STYXL1: variants seen among roughly 807,000 people sequenced by gnomAD.
STYXL1 encodes the protein serine/threonine/tyrosine-interacting-like protein 1.
A neutral mutation model predicts 36.4 loss-of-function variants in STYXL1; 32 were observed. The observed-to-expected ratio is 0.88, with a 90% confidence interval of 0.66 to 1.18. STYXL1 has a LOEUF of 1.18. Ranked by LOEUF, STYXL1 falls within the 50% of genes most tolerant of loss-of-function variation. The pLI is 0.00. For missense variants in STYXL1, 354 were observed against 394.1 expected (o/e 0.90, Z 0.86); for synonymous variants, 133 against 144.1 (o/e 0.92, Z 0.55).
At chr7:76,019,915 G>A (rs1434366504) in intron 4 of STYXL1, among the ~76,000 whole-genome samples, 1 of 140,524 alleles carries the variant, frequency 7.1e-6, no homozygotes, top group East Asian at 2.1e-4. Context: ...GCAACAAAGC[G>A]AGACCCTGAC....
At chr7:76,011,081 T>A (rs1792498884) in intron 5 of STYXL1, among the ~76,000 whole-genome samples, 1 of 152,094 alleles carries the variant, frequency 6.6e-6, no homozygotes, top group South Asian at 2.1e-4. Flanking sequence ...CTGACTGTGG[T>A]GGCATGCATC....
chr7:76,033,974 A>C (rs1319586253), intron 1 of STYXL1, among the ~76,000 whole-genome samples: 1 of 152,124 alleles, frequency 6.6e-6, no homozygotes, highest in Non-Finnish European at 1.5e-5. Context: ...TAATATTGCC[A>C]CTTCTATATA....
At chr7:76,014,226 C>T (rs1462773135) in intron 4 of STYXL1, among the ~76,000 whole-genome samples, 1 of 152,094 alleles carries the variant, frequency 6.6e-6, no homozygotes, top group East Asian at 1.9e-4. Flanking sequence ...CCTTCAGCCT[C>T]GGCCTCCCAA....
At chr7:76,020,069 T>G (rs1165094342) in intron 4 of STYXL1, among the ~76,000 whole-genome samples, 3 of 152,066 alleles carry the variant, frequency 2.0e-5, no homozygotes, top group Admixed American at 2.0e-4. Flanking sequence ...TGTGTGGTTG[T>G]GGTTTCCTGT....
chr7:75,996,412 C>T lies in STYXL1; in HGVS notation c.*56G>A. 6.2e-7 allele frequency: 1 copy of T among 1,613,666 alleles called. No homozygotes were observed. Among genetic ancestry groups the T allele is most frequent in the African/African-American group, 1.3e-5 (1 of 75,040 alleles). The stretch of plus-strand genomic sequence containing the variant: ...GGTATACACACTCTGGCCCTCCACC[C>T]ACAAAATGCCCCCAGGTGAGGCTCT... On this transcript the variant is annotated 3_prime_UTR_variant, in exon 9 of 9. Coordinates refer to ENST00000359697, the MANE Select transcript of STYXL1 (RefSeq NM_001317785.2).
At chr7:75,999,511 ATGTGTGTGTG>A (rs71301271) in intron 8 of STYXL1, among the ~76,000 whole-genome samples, 1 of 95,908 alleles carries the variant, frequency 1.0e-5, no homozygotes, top group African/African-American at 4.9e-5. Flanking sequence ...GTGTGTGTGT[ATGTGTGTGTG>A]TGTGTGTGTG....
At chr7:76,027,577 C>A (rs1175071030) in intron 3 of STYXL1, among the ~76,000 whole-genome samples, 1 of 151,822 alleles carries the variant, frequency 6.6e-6, no homozygotes, top group Non-Finnish European at 1.5e-5. Context: ...TGTGCCACTG[C>A]ACCCCTGCCC....
intron 1 of STYXL1, among the ~76,000 whole-genome samples, chr7:76,036,968 TAG>T (rs1795969515): frequency 6.7e-6 from 1 of 148,896 alleles, no homozygotes; most frequent in South Asian, 2.2e-4. Flanking sequence ...GTATTTTTAG[TAG>T]AGATGGGTTT....
intron 7 of STYXL1, 125 bp from the exon 8 acceptor site, chr7:76,001,127 C>T (rs1790870314): frequency 2.9e-6 from 2 of 694,872 alleles, no homozygotes; most frequent in South Asian, 3.2e-5. Context: ...CCCACGTGAC[C>T]TCGGCAAGTC....
At chr7:76,014,691 T>C (rs1043636260) in intron 4 of STYXL1, among the ~76,000 whole-genome samples, 38 of 151,898 alleles carry the variant, frequency 2.5e-4, no homozygotes, top group African/African-American at 8.5e-4. Flanking sequence ...TATTGTATGA[T>C]GTCATACAAT....
intron 5 of STYXL1, 25 bp from the exon 6 acceptor site, chr7:76,005,429 G>A: frequency 6.4e-7 from 1 of 1,572,960 alleles, no homozygotes; most frequent in South Asian, 1.2e-5. Context: ...GAGAAAGGCA[G>A]CTATGAGCAT....
intron 8 of STYXL1, among the ~76,000 whole-genome samples, chr7:75,997,758 A>G (rs996979039): frequency 6.6e-6 from 1 of 152,198 alleles, no homozygotes; most frequent in Non-Finnish European, 1.5e-5. Context: ...TAATAAATTC[A>G]GCAAGGATGC....
At chr7:76,038,344 C>A (rs968075830) in intron 1 of STYXL1, among the ~76,000 whole-genome samples, 1 of 149,460 alleles carries the variant, frequency 6.7e-6, no homozygotes, top group Admixed American at 6.7e-5. Flanking sequence ...TCTCCTCTGT[C>A]GTCCCAGAAA....
At chr7:76,008,807 A>G (rs1456086250) in intron 5 of STYXL1, among the ~76,000 whole-genome samples, 1 of 152,132 alleles carries the variant, frequency 6.6e-6, no homozygotes, top group Non-Finnish European at 1.5e-5. Flanking sequence ...GGAGTTCAAG[A>G]CCAGCCTGGC....
chr7:76,033,809 G>A (rs782018014), intron 1 of STYXL1, among the ~76,000 whole-genome samples: 2 of 152,090 alleles, frequency 1.3e-5, no homozygotes, highest in Admixed American at 6.5e-5. Context: ...TTCATTTACC[G>A]CCTCCACTTC....
intron 5 of STYXL1, among the ~76,000 whole-genome samples, chr7:76,012,344 C>T (rs1161045803): frequency 5.3e-5 from 8 of 152,140 alleles, no homozygotes; most frequent in South Asian, 2.1e-4. Context: ...GGCATGGCAA[C>T]GGCTCACTGC....
intron 1 of STYXL1, among the ~76,000 whole-genome samples, chr7:76,038,422 ATTT>A (rs1554581241): frequency 4.5e-5 from 6 of 132,230 alleles, no homozygotes; most frequent in African/African-American, 8.3e-5. Flanking sequence ...ATTGAATGAC[ATTT>A]TTTTTTTTTT....
chr7:76,047,024 G>A (rs1554583937), intron 1 of STYXL1, among the ~76,000 whole-genome samples: 1 of 151,630 alleles, frequency 6.6e-6, no homozygotes. Context: ...CACTTTGGGA[G>A]GCCGAGGCGG....
intron 1 of STYXL1, among the ~76,000 whole-genome samples, chr7:76,038,778 T>A (rs1205442203): frequency 1.4e-5 from 2 of 147,706 alleles, no homozygotes; most frequent in Non-Finnish European, 2.9e-5. Flanking sequence ...ATATTTGGGT[T>A]ACATTTTGTT....
Sources: gnomAD v4.1 joint callset for allele counts (sites outside exome capture counted in the v4.1 genomes callset) on GRCh38, gnomAD v4.1.1 for gene constraint, MANE v1.5 for transcripts, NCBI Gene and HGNC (gene_info 2026-07-23, HGNC 2026-07-21) for gene names.